The following LRRC17 variants were observed in gnomAD, a reference collection of about 807,000 sequenced individuals.
The protein encoded by LRRC17 is leucine rich repeat containing 17.
Under a neutral mutation model 41.5 loss-of-function variants are expected in LRRC17, and 33 were observed. The observed-to-expected ratio is 0.80, with a 90% CI of 0.60 to 1.06. The LOEUF (loss-of-function observed/expected upper bound fraction) is 1.06, where lower values mean the gene tolerates loss of function less well. LRRC17 is among the 50% of genes least tolerant of loss of function. LRRC17 has a pLI of 0.00. For missense variants in LRRC17, 491 were observed against 519.3 expected, an observed-to-expected ratio of 0.95 and a Z score of 0.53; for synonymous variants, 192 against 197.0, an observed-to-expected ratio of 0.97 and a Z score of 0.21.
At chr7:102,923,170 G>T (rs554158196) in intron 1 of LRRC17, among the ~76,000 whole-genome samples, 1 of 152,290 alleles carries the variant, frequency 6.6e-6, no homozygotes, top group East Asian at 1.9e-4. Flanking sequence ...AGTATTGAGA[G>T]AATATTTCCT....
rs777476353 is a variant in LRRC17 at position 102,944,448 on chromosome 7, G to A, written c.1167G>A (p.Val389=). Residue 389 remains valine (V), a synonymous_variant, in exon 4 of 4, where the codon GTG becomes GTA. Transcript: ENST00000339431. The part of the protein sequence containing the change: ...KTPEEYKGWS[V]GKYIRSYYEE... ...CTGAAGAATACAAAGGATGGTCTGTGGGAAAATATATTAGAAGTTACTATG... is the reference window on the plus strand; with the variant it reads ...CTGAAGAATACAAAGGATGGTCTGTAGGAAAATATATTAGAAGTTACTATG... 3 of 1,613,960 alleles carry A rather than the reference G, an allele frequency of 1.9e-6. No homozygotes were observed. Among genetic ancestry groups the A allele is most frequent in the South Asian group, 2.2e-5 (2 of 91,076 alleles).
chr7:102,913,927 T>C (rs922090056), intron 1 of LRRC17, among the ~76,000 whole-genome samples: 3 of 152,078 alleles, frequency 2.0e-5, no homozygotes, highest in African/African-American at 7.2e-5. Context: ...TTGAAACAGA[T>C]TAAATATGGT....
chr7:102,944,174 A>C, intron 3 of LRRC17, 36 bp from the exon 4 acceptor site: 1 of 1,551,790 alleles, frequency 6.4e-7, no homozygotes, highest in Middle Eastern at 1.7e-4. Flanking sequence ...GTATTAACTC[A>C]ATTACTCAGG....
At chr7:102,925,786 A>C (rs2129471898) in intron 1 of LRRC17, among the ~76,000 whole-genome samples, 1 of 152,184 alleles carries the variant, frequency 6.6e-6, no homozygotes, top group East Asian at 1.9e-4. Context: ...TACTAAAAAT[A>C]CAAAAATAGC....
chr7:102,936,468 AAG>A (rs1179399574), intron 2 of LRRC17: 2 of 152,248 alleles, frequency 1.3e-5, no homozygotes, highest in Non-Finnish European at 2.9e-5. Context: ...GAGAATTTCA[AAG>A]AGTAAGTAAA....
At position 102,934,013 on chromosome 7, in the gene LRRC17, C is replaced by T. The variant is rs1819740466; in HGVS notation, c.100C>T (p.Arg34Trp). ...TGTGAGAAGCCGAGTGAATCATGGC[C>T]GGGCGGGTGGAGGCCGGAGAGGCTC... ...GSVRSRVNHG[R>W]AGGGRRGSNP... The change falls in exon 2 of 4, where the codon CGG (arginine) becomes TGG (tryptophan). Residue 34 changes from arginine (R) to tryptophan (W), a missense_variant. By Grantham distance (101) the Arg-to-Trp change is moderately radical. Coordinates refer to ENST00000339431, the MANE Select transcript of LRRC17 (RefSeq NM_001031692.3). 5 of 1,613,962 alleles carry T rather than the reference C, an allele frequency of 3.1e-6. No homozygotes were observed. Among genetic ancestry groups the T allele is most frequent in the Admixed American group, 1.7e-5 (1 of 60,012 alleles).
chr7:102,936,682 A>C (rs1314921638), intron 2 of LRRC17, among the ~76,000 whole-genome samples: 2 of 152,312 alleles, frequency 1.3e-5, no homozygotes, highest in Non-Finnish European at 2.9e-5. Flanking sequence ...TGAGGCTCTA[A>C]CCTCAAGCTA....
chr7:102,939,598 G>A lies in LRRC17; in HGVS notation c.928+13G>A. On this transcript the variant is annotated intron_variant, in intron 3 of 3. Coordinates refer to ENST00000339431, the MANE Select transcript of LRRC17 (RefSeq NM_001031692.3). ...TTCATCGATCCTGGTAAGTTCCCCT[G>A]TATAGCCCCTTCAATGGGTGGCAAG... 1.3e-6 allele frequency: 2 copies of A among 1,596,036 alleles called. No homozygotes were observed. The highest frequency in any genetic ancestry group is 1.7e-6 in the Non-Finnish European group (2 of 1,171,538).
chr7:102,915,122 ATTT>A (rs386410852), intron 1 of LRRC17, among the ~76,000 whole-genome samples: 8 of 128,032 alleles, frequency 6.2e-5, no homozygotes, highest in Admixed American at 8.0e-5. Flanking sequence ...AGATTAAAAT[ATTT>A]TTTTTTTTTT....
chr7:102,930,021 TA>T (rs988789424), intron 1 of LRRC17, among the ~76,000 whole-genome samples: 6 of 151,948 alleles, frequency 3.9e-5, no homozygotes, highest in African/African-American at 1.2e-4. Flanking sequence ...CAGTTTGGGC[TA>T]GGGGTGGTGG....
chr7:102,915,737 ACATTT>A (rs765820130), intron 1 of LRRC17, among the ~76,000 whole-genome samples: 2 of 111,022 alleles, frequency 1.8e-5, no homozygotes, highest in Non-Finnish European at 3.4e-5. Context: ...AAATAAAAAA[ACATTT>A]ATGAGTAGAA....
Position 102,944,528 on chromosome 7 carries a change from CAG to C in LRRC17, c.1249_1250del (p.Glu417ArgfsTer2). ...TATCCTGAGTCATTTGACCAAGACA[CAG>C]AAGATGATGAATGGGAAAAAAAACA... is the stretch of plus-strand genomic sequence containing the variant. On this transcript the variant is annotated frameshift_variant, in exon 4 of 4. Coordinates refer to ENST00000339431, the MANE Select transcript of LRRC17 (RefSeq NM_001031692.3). LOFTEE classifies it high-confidence loss of function. 1.2e-6 allele frequency: 2 copies of C among 1,613,642 alleles called. No homozygotes were observed. The highest frequency in any genetic ancestry group is 1.7e-6 in the Non-Finnish European group (2 of 1,179,848).
In LRRC17 at chr7:102,945,077, T is replaced by C. The variant is rs1822236485; in HGVS notation, c.*470T>C. ...TCAGTAAGTCATCTTATACATTAAA[T>C]AAATTTCCATTTCTGATTTCTGTGC... is the stretch of plus-strand genomic sequence containing the variant. On this transcript the variant is annotated 3_prime_UTR_variant, in exon 4 of 4. Transcript: ENST00000339431. 1 of 152,738 alleles carries C rather than the reference T, an allele frequency of 6.5e-6. No homozygotes were observed. Among genetic ancestry groups the C allele is most frequent in the Non-Finnish European group, 1.5e-5 (1 of 68,478 alleles). The allele number at this position is 152,738 out of a possible 1,614,324, so 9.5% of individuals were successfully genotyped here.
intron 1 of LRRC17, among the ~76,000 whole-genome samples, chr7:102,914,862 C>G (rs1436190303): frequency 6.6e-6 from 1 of 152,188 alleles, no homozygotes; most frequent in Non-Finnish European, 1.5e-5. Flanking sequence ...TTATCTTCCT[C>G]TCCCTGGGGT....
chr7:102,942,809 T>C (rs1300471606), intron 3 of LRRC17, among the ~76,000 whole-genome samples: 1 of 152,198 alleles, frequency 6.6e-6, no homozygotes, highest in Non-Finnish European at 1.5e-5. Flanking sequence ...TATGACCACA[T>C]ATTTTCCTAA....
chr7:102,917,933 C>G (rs546406768), intron 1 of LRRC17, among the ~76,000 whole-genome samples: 1 of 152,238 alleles, frequency 6.6e-6, no homozygotes, highest in African/African-American at 2.4e-5. Flanking sequence ...AGGCAGCCCT[C>G]ATTTTCAACT....
At chr7:102,940,837 GC>G (rs1005677605) in intron 3 of LRRC17, among the ~76,000 whole-genome samples, 2 of 152,180 alleles carry the variant, frequency 1.3e-5, no homozygotes, top group Non-Finnish European at 2.9e-5. Flanking sequence ...TAACACAAGT[GC>G]TTTCACTAGG....
rs765651560 is a variant in LRRC17 at position 102,944,377 on chromosome 7, A to C, written c.1096A>C (p.Lys366Gln). Reference sequence around the variant, plus strand: ...CATTCACTACCTCTACTACTGGTTAAAGCACCACTACAATGTCCATTTTAA... The same window carrying C: ...CATTCACTACCTCTACTACTGGTTACAGCACCACTACAATGTCCATTTTAA... ...YNIHYLYYWL[K>Q]HHYNVHFNGL... Residue 366 changes from lysine (K) to glutamine (Q), a missense_variant, in exon 4 of 4, where the codon AAG becomes CAG. Physicochemically the swap from Lys to Gln is moderately conservative, Grantham distance 53. Transcript: ENST00000339431. 1.2e-6 allele frequency: 2 copies of C among 1,614,112 alleles called. No individual in the cohort carries two copies. The highest frequency in any genetic ancestry group is 1.7e-6 in the Non-Finnish European group (2 of 1,179,976).
chr7:102,938,641 G>T (rs1346981072), intron 2 of LRRC17, among the ~76,000 whole-genome samples: 1 of 152,066 alleles, frequency 6.6e-6, no homozygotes. Flanking sequence ...AGAAATAGGG[G>T]CATTGATCAA....
Sources: allele counts gnomAD v4.1 joint callset (sites outside exome capture counted in the v4.1 genomes callset), GRCh38; gene constraint gnomAD v4.1.1; transcripts MANE v1.5; gene names NCBI Gene and HGNC (gene_info 2026-07-23, HGNC 2026-07-21).